The following ANXA3 variants were observed in gnomAD, a reference collection of about 807,000 sequenced individuals.
ANXA3 encodes 35-alpha calcimedin.
A neutral mutation model predicts 48.8 loss-of-function variants in ANXA3; 46 were observed. That is an observed-to-expected ratio of 0.94 (90% CI 0.74 to 1.21). ANXA3 has a LOEUF of 1.21. Among genes scored for constraint, ANXA3 ranks in the 50% most tolerant of loss-of-function variants. ANXA3 has a pLI of 0.00. For synonymous variants in ANXA3, 128 were observed against 134.7 expected (o/e 0.95, Z 0.35); for missense variants, 383 against 378.6 (o/e 1.01, Z -0.10).
chr4:78,599,248 C>T (rs980447478), intron 10 of ANXA3, among the ~76,000 whole-genome samples: 12 of 152,074 alleles, frequency 7.9e-5, no homozygotes, highest in African/African-American at 1.2e-4. Flanking sequence ...TTTAATCAGC[C>T]GCATAAGAAA....
chr4:78,590,294 A>T (rs1723262520), intron 6 of ANXA3, among the ~76,000 whole-genome samples: 1 of 152,206 alleles, frequency 6.6e-6, no homozygotes, highest in African/African-American at 2.4e-5. Context: ...TAGAAAAATA[A>T]CACACTTTTT....
intron 2 of ANXA3, among the ~76,000 whole-genome samples, chr4:78,556,001 G>A (rs1420158141): frequency 6.6e-6 from 1 of 152,014 alleles, no homozygotes; most frequent in African/African-American, 2.4e-5. Flanking sequence ...TCTGTTCATG[G>A]GAGAGTAAAT....
chr4:78,581,499 C>A (rs1723070231), intron 4 of ANXA3, among the ~76,000 whole-genome samples: 1 of 151,956 alleles, frequency 6.6e-6, no homozygotes, highest in African/African-American at 2.4e-5. Flanking sequence ...ATTGAATATT[C>A]CTAAAACAAA....
rs780356015 is a variant in ANXA3 at position 78,586,327 on chromosome 4, A to T, written c.380A>T (p.Asp127Val). The change falls in exon 6 of 13, where the codon GAT becomes GTT. Residue 127 changes from aspartate (D) to valine (V), a missense_variant. Physicochemically the swap from Asp to Val is radical, Grantham distance 152 (BLOSUM62 -3). Transcript: ENST00000264908. ...LTTRTSRQMK[D>V]ISQAYYTVYK... is the part of the protein sequence containing the mutation. ...ACCAGGACAAGCAGGCAAATGAAGGATATCTCTCAAGCCTATTATACAGGT... is the reference window on the plus strand; with the variant it reads ...ACCAGGACAAGCAGGCAAATGAAGGTTATCTCTCAAGCCTATTATACAGGT... 6 of 1,613,326 alleles carry T rather than the reference A, an allele frequency of 3.7e-6. No individual in the cohort carries two copies. The highest frequency in any genetic ancestry group is 5.1e-6 in the Non-Finnish European group (6 of 1,179,588).
At chr4:78,584,032 C>G (rs916501135) in intron 5 of ANXA3, among the ~76,000 whole-genome samples, 2 of 152,166 alleles carry the variant, frequency 1.3e-5, no homozygotes, top group Non-Finnish European at 2.9e-5. Flanking sequence ...CTTTTCTCTG[C>G]TCCTTGAACA....
chr4:78,600,253 C>T lies in ANXA3; in HGVS notation c.731-1257C>T, dbSNP rs1723506223. Among the ~76,000 whole-genome samples the T allele has an allele frequency of 3.3e-5, 5 of 152,206 alleles. No individual in the cohort carries two copies. In the South Asian group the frequency reaches 1.0e-3, roughly 32 times the overall value. On this transcript the variant is annotated intron_variant, in intron 10 of 12. Transcript: ENST00000264908. ...TAATTAACTCTAACGGACTCCCAAG[C>T]TTCCCTGCCTATGGTGCTGGGTGAT...
chr4:78,561,770 G>A (rs982572132), intron 2 of ANXA3, among the ~76,000 whole-genome samples: 1 of 152,114 alleles, frequency 6.6e-6, no homozygotes, highest in Admixed American at 6.5e-5. Context: ...CAAGTCTGCT[G>A]TGTGTTTTAA....
chr4:78,606,376 C>T (rs1461212167), intron 12 of ANXA3, among the ~76,000 whole-genome samples: 1 of 152,076 alleles, frequency 6.6e-6, no homozygotes, highest in African/African-American at 2.4e-5. Flanking sequence ...TGATTAGACC[C>T]CCTAAGCTGT....
intron 2 of ANXA3, among the ~76,000 whole-genome samples, chr4:78,557,742 A>G (rs1201983084): frequency 6.6e-6 from 1 of 150,770 alleles, no homozygotes; most frequent in Non-Finnish European, 1.5e-5. Context: ...TTAAAGAACT[A>G]ATACTTATGA....
chr4:78,561,535 A>G (rs1307380814), intron 2 of ANXA3, among the ~76,000 whole-genome samples: 2 of 152,156 alleles, frequency 1.3e-5, no homozygotes, highest in Non-Finnish European at 2.9e-5. Flanking sequence ...CAGACATCCC[A>G]TTAGACCTTT....
intron 7 of ANXA3, among the ~76,000 whole-genome samples, chr4:78,593,113 CCACACACACACACACACACA>C (rs59972919): frequency 8.5e-4 from 123 of 144,030 alleles, no homozygotes; most frequent in African/African-American, 3.0e-3. Context: ...AACACACATA[CCACACACACACACACACACA>C]CACACACACA....
At chr4:78,596,218 C>A (rs779601950) in intron 9 of ANXA3, among the ~76,000 whole-genome samples, 3 of 152,208 alleles carry the variant, frequency 2.0e-5, no homozygotes, top group Non-Finnish European at 4.4e-5. Flanking sequence ...CAACTGCTTC[C>A]ACTCCACCTA....
At chr4:78,586,167 C>T in intron 5 of ANXA3, 93 bp from the exon 6 acceptor site, 4 of 832,514 alleles carry the variant, frequency 4.8e-6, no homozygotes. Flanking sequence ...TTAAAAGTGT[C>T]CTTTCATCTA....
intron 3 of ANXA3, among the ~76,000 whole-genome samples, chr4:78,578,681 T>C: frequency 6.6e-6 from 1 of 151,970 alleles, no homozygotes; most frequent in South Asian, 2.1e-4. Context: ...GGGAGAGAGA[T>C]AAAAGGCAAT....
chr4:78,580,360 G>A (rs555411547), intron 4 of ANXA3, among the ~76,000 whole-genome samples: 7 of 152,282 alleles, frequency 4.6e-5, no homozygotes, highest in African/African-American at 1.7e-4. Flanking sequence ...GAATATGTGA[G>A]AAATAAAGAA....
At chr4:78,597,475 G>A in intron 10 of ANXA3, 61 bp downstream of exon 10, 1 of 1,144,076 alleles carries the variant, frequency 8.7e-7, no homozygotes, top group Non-Finnish European at 1.3e-6. Flanking sequence ...CAGTGCCGAG[G>A]CCTGCTCCTT....
intron 5 of ANXA3, among the ~76,000 whole-genome samples, chr4:78,584,066 G>T (rs567653843): frequency 6.6e-6 from 1 of 152,118 alleles, no homozygotes; most frequent in Non-Finnish European, 1.5e-5. Flanking sequence ...CTTGTTTTGA[G>T]ATCTTTATAC....
At chr4:78,564,357 T>C (rs1032980847) in intron 2 of ANXA3, among the ~76,000 whole-genome samples, 2 of 152,264 alleles carry the variant, frequency 1.3e-5, no homozygotes, top group Non-Finnish European at 2.9e-5. Context: ...TCTAGACTAT[T>C]GATACTTGAA....
At chr4:78,598,702 G>A (rs1723477435) in intron 10 of ANXA3, among the ~76,000 whole-genome samples, 1 of 152,008 alleles carries the variant, frequency 6.6e-6, no homozygotes, top group African/African-American at 2.4e-5. Flanking sequence ...ACCACGCCTG[G>A]CTAACGTTTG....
Sources: allele counts gnomAD v4.1 joint callset (sites outside exome capture counted in the v4.1 genomes callset), GRCh38; gene constraint gnomAD v4.1.1; transcripts MANE v1.5; gene names NCBI Gene and HGNC (gene_info 2026-07-23, HGNC 2026-07-21).